The following TMEM30A variants were observed in gnomAD, a reference collection of about 807,000 sequenced individuals.
TMEM30A encodes the protein cell cycle control protein 50A.
A neutral mutation model predicts 38.2 loss-of-function variants in TMEM30A; 24 were observed. That is an observed-to-expected ratio of 0.63 (90% CI 0.46 to 0.88). The LOEUF is 0.88. Ranked by LOEUF, TMEM30A falls within the 40% of genes least tolerant of loss-of-function variation. The probability of loss-of-function intolerance (pLI) is 0.00; values close to 1 mark genes in which losing one functional copy is unlikely to be tolerated. For synonymous variants in TMEM30A, 145 were observed against 161.6 expected (o/e 0.90, Z 0.78); for missense variants, 370 against 458.6 (o/e 0.81, Z 1.77).
At chr6:75,265,023 G>T (rs1191987354) in intron 3 of TMEM30A, among the ~76,000 whole-genome samples, 3 of 151,920 alleles carry the variant, frequency 2.0e-5, no homozygotes, top group African/African-American at 7.3e-5. Context: ...CTTGAACCTG[G>T]GGGGTGGAGG....
rs1233365414 is a variant in TMEM30A, at chr6:75,284,470, T to C, written c.169A>G (p.Ile57Val). Residue 57 changes from isoleucine to valine, a missense_variant, in exon 1 of 7, where the codon ATC becomes GTC. By Grantham distance (29) the Ile-to-Val change is conservative. Transcript: ENST00000230461. ...AGTVLPIFFI[I>V]GLIFIPIGIG... The stretch of plus-strand genomic sequence containing the variant: ...CCGATGGGAATGAAGATGAGACCGA[T>C]GATGAAGAAAATAGGTAGCACCGTG... The C allele has an allele frequency of 6.8e-6, 11 of 1,613,750 alleles. No homozygotes were observed. The highest frequency in any genetic ancestry group is 1.1e-5 in the South Asian group (1 of 91,054).
intron 1 of TMEM30A, among the ~76,000 whole-genome samples, chr6:75,271,751 G>T (rs1193250008): frequency 6.6e-6 from 1 of 152,196 alleles, no homozygotes; most frequent in South Asian, 2.1e-4. Context: ...CAAGCCTCAT[G>T]TTTCTTCTAC....
At chr6:75,267,254 G>A (rs867127228) in intron 2 of TMEM30A, among the ~76,000 whole-genome samples, 3 of 152,130 alleles carry the variant, frequency 2.0e-5, no homozygotes, top group African/African-American at 4.8e-5. Flanking sequence ...AGTAATGGGA[G>A]AATTATTTAT....
chr6:75,257,651 T>C (rs1276294817), intron 6 of TMEM30A, among the ~76,000 whole-genome samples: 2 of 152,182 alleles, frequency 1.3e-5, no homozygotes, highest in East Asian at 3.9e-4. Flanking sequence ...CCAATGTGGA[T>C]TTAGTTTCAA....
intron 1 of TMEM30A, among the ~76,000 whole-genome samples, chr6:75,277,164 G>A (rs183947605): frequency 2.6e-4 from 40 of 152,072 alleles, no homozygotes; most frequent in African/African-American, 8.7e-4. Context: ...CAATAAGCAC[G>A]GACCCTTCTT....
rs775023238 is a variant in TMEM30A at position 75,254,295 on chromosome 6, G to C, written c.*1807C>G. The C allele has an allele frequency of 2.0e-5, 3 of 152,084 alleles. No homozygotes were observed. Among genetic ancestry groups the C allele is most frequent in the Non-Finnish European group, 2.9e-5 (2 of 68,000 alleles). The allele number at this position is 152,084 out of a possible 1,614,324, so 9.4% of individuals were successfully genotyped here. ...AAACAGCACAGACTCAATCTGGAAA[G>C]AGTGGCAGAAACCCCTCTCCCCCAA... is the stretch of plus-strand genomic sequence containing the variant. On this transcript the variant is annotated 3_prime_UTR_variant, in exon 7 of 7. Coordinates refer to ENST00000230461, the MANE Select transcript of TMEM30A (RefSeq NM_018247.4).
intron 1 of TMEM30A, among the ~76,000 whole-genome samples, chr6:75,270,219 A>C (rs550564659): frequency 2.6e-5 from 4 of 152,258 alleles, no homozygotes; most frequent in Admixed American, 6.5e-5. Context: ...TGGTGGTGTC[A>C]GTTTTGGATT....
chr6:75,255,882 A>G lies in TMEM30A; in HGVS notation c.*220T>C, dbSNP rs1771857782. ...ACATTAGAATGCCATTTCAGCAGTT[A>G]CAGTGTTGATATGATCAATATAGCT... On this transcript the variant is annotated 3_prime_UTR_variant, in exon 7 of 7. Transcript: ENST00000230461. The G allele has an allele frequency of 2.5e-6, 1 of 403,436 alleles. No individual in the cohort carries two copies. The highest frequency in any genetic ancestry group is 4.4e-6 in the Non-Finnish European group (1 of 226,180). The allele number at this position is 403,436 out of a possible 1,614,324, so 25.0% of individuals were successfully genotyped here.
At chr6:75,270,138 G>C (rs923471927) in intron 1 of TMEM30A, among the ~76,000 whole-genome samples, 2 of 152,156 alleles carry the variant, frequency 1.3e-5, no homozygotes. Flanking sequence ...CTGCCAAACT[G>C]ACTTCCAAAG....
At chr6:75,269,935 C>T (rs112370527) in intron 1 of TMEM30A, among the ~76,000 whole-genome samples, 3,348 of 152,190 alleles carry the variant, frequency 0.022, 80 homozygotes, top group East Asian at 0.11. Flanking sequence ...CCTCATGATC[C>T]GCCCACCTTG....
intron 1 of TMEM30A, 131 bp from the exon 2 acceptor site, chr6:75,267,879 TA>T (rs1279176087): frequency 2.1e-6 from 1 of 476,048 alleles, no homozygotes; most frequent in Non-Finnish European, 3.6e-6. Context: ...AAACTGTTTT[TA>T]AGGTCATCTG....
Position 75,254,366 on chromosome 6 carries a change from T to C in TMEM30A, c.*1736A>G, listed in dbSNP as rs1273515808. On this transcript the variant is annotated 3_prime_UTR_variant, in exon 7 of 7. Coordinates refer to ENST00000230461, the MANE Select transcript of TMEM30A (RefSeq NM_018247.4). Reference sequence around the variant, plus strand: ...ACTGCCAAGTGCAAGAGGGACAATCTTCAGAATAAATAATATTCTGAAGGA... The same window carrying C: ...ACTGCCAAGTGCAAGAGGGACAATCCTCAGAATAAATAATATTCTGAAGGA... The C allele has an allele frequency of 6.6e-6, 1 of 152,032 alleles. No individual in the cohort carries two copies. The highest frequency in any genetic ancestry group is 1.5e-5 in the Non-Finnish European group (1 of 67,976). The allele number at this position is 152,032 out of a possible 1,614,324, so 9.4% of individuals were successfully genotyped here.
At chr6:75,256,976 A>G (rs551208083) in intron 6 of TMEM30A, among the ~76,000 whole-genome samples, 2 of 152,264 alleles carry the variant, frequency 1.3e-5, no homozygotes, top group Admixed American at 6.5e-5. Flanking sequence ...AGACAGAACC[A>G]AGTCTCCATG....
intron 3 of TMEM30A, among the ~76,000 whole-genome samples, chr6:75,262,298 G>A (rs146041349): frequency 1.7e-3 from 254 of 152,276 alleles, no homozygotes; most frequent in African/African-American, 5.9e-3. Flanking sequence ...AGTGAGCAGA[G>A]ATCGTGCCAC....
chr6:75,268,258 T>C (rs1029543976), intron 1 of TMEM30A, among the ~76,000 whole-genome samples: 3 of 152,228 alleles, frequency 2.0e-5, no homozygotes, highest in African/African-American at 7.2e-5. Flanking sequence ...ATGCTTGGAA[T>C]TTCCCAGGTG....
chr6:75,268,234 C>T (rs138535544), intron 1 of TMEM30A, among the ~76,000 whole-genome samples: 91 of 152,244 alleles, frequency 6.0e-4, no homozygotes, highest in African/African-American at 1.3e-3. Flanking sequence ...CTTGGGTTCC[C>T]GGCAAGGAGC....
chr6:75,258,746 C>G lies in TMEM30A; in HGVS notation c.892+34G>C. 2.5e-6 allele frequency: 4 copies of G among 1,597,930 alleles called. No homozygotes were observed. The South Asian group carries it at 3.3e-5, about 13-fold the overall frequency. On this transcript the variant is annotated intron_variant, in intron 6 of 6. Coordinates refer to ENST00000230461, the MANE Select transcript of TMEM30A (RefSeq NM_018247.4). ...GGTTGGACTCGACTCCTTTCAAGCT[C>G]TATGAATCTGTATACCCAGCCAAAA... is the stretch of plus-strand genomic sequence containing the variant.
chr6:75,283,248 G>C (rs1772390577), intron 1 of TMEM30A, among the ~76,000 whole-genome samples: 1 of 151,820 alleles, frequency 6.6e-6, no homozygotes, highest in African/African-American at 2.4e-5. Flanking sequence ...CCCTATTTCA[G>C]TAGTTAAAAA....
At chr6:75,271,133 T>TA (rs1291466437) in intron 1 of TMEM30A, among the ~76,000 whole-genome samples, 4 of 150,952 alleles carry the variant, frequency 2.6e-5, no homozygotes, top group Non-Finnish European at 3.0e-5. Context: ...ATCTAAGCAT[T>TA]AAAAAAAAAG....
Sources: allele counts gnomAD v4.1 joint callset (sites outside exome capture counted in the v4.1 genomes callset), GRCh38; gene constraint gnomAD v4.1.1; transcripts MANE v1.5; gene names NCBI Gene and HGNC (gene_info 2026-07-23, HGNC 2026-07-21).